Variants in CAPN2 observed in about 807,000 individuals in gnomAD.
The protein encoded by CAPN2 is calpain-2 catalytic subunit.
Under a neutral mutation model 102.3 loss-of-function variants are expected in CAPN2, and 92 were observed. The ratio of observed to expected loss-of-function variants is 0.90; its 90% CI spans 0.76 to 1.07. The LOEUF (loss-of-function observed/expected upper bound fraction) is 1.07, where lower values mean the gene tolerates loss of function less well. Ranked by LOEUF, CAPN2 falls within the 50% of genes least tolerant of loss-of-function variation. The probability of loss-of-function intolerance (pLI) is 0.00; values close to 1 mark genes in which losing one functional copy is unlikely to be tolerated. For missense variants in CAPN2, 800 were observed against 909.4 expected (o/e 0.88, Z 1.55); for synonymous variants, 340 against 355.4 (o/e 0.96, Z 0.49).
chr1:223,737,440 G>A (rs1660483798), intron 2 of CAPN2, among the ~76,000 whole-genome samples: 1 of 152,172 alleles, frequency 6.6e-6, no homozygotes, highest in African/African-American at 2.4e-5. Context: ...AGCGGGAGAT[G>A]TCATCGGTAG....
chr1:223,722,472 G>T (rs1296373226), intron 2 of CAPN2, among the ~76,000 whole-genome samples: 1 of 151,478 alleles, frequency 6.6e-6, no homozygotes, highest in African/African-American at 2.4e-5. Flanking sequence ...GTGTGTCTGT[G>T]TGGAGATGGG....
chr1:223,703,281 G>A (rs1038899012), intron 1 of CAPN2, among the ~76,000 whole-genome samples: 4 of 151,988 alleles, frequency 2.6e-5, no homozygotes, highest in Admixed American at 2.6e-4. Flanking sequence ...CTATTCTGAG[G>A]ATTAAATGAG....
intron 8 of CAPN2, 74 bp downstream of exon 8, chr1:223,752,145 A>G: frequency 9.5e-7 from 1 of 1,057,488 alleles, no homozygotes; most frequent in Non-Finnish European, 1.5e-6. Flanking sequence ...CTAATTAGAA[A>G]GAGTGTCGGC....
chr1:223,702,754 G>C (rs150687739), intron 1 of CAPN2, among the ~76,000 whole-genome samples: 1 of 152,248 alleles, frequency 6.6e-6, no homozygotes, highest in Non-Finnish European at 1.5e-5. Context: ...CCTGTGACTG[G>C]AAATTAGAAG....
chr1:223,754,395 G>C lies in CAPN2; in HGVS notation c.1136-1085G>C, dbSNP rs1660978026. The stretch of plus-strand genomic sequence containing the variant: ...CAGGAGTCGGAAAACTCCCTCTAAA[G>C]GGTCAGATAGTAAATAATTTTGGCT... On this transcript the variant is annotated intron_variant, in intron 9 of 20. Coordinates refer to ENST00000295006, the MANE Select transcript of CAPN2 (RefSeq NM_001748.5). This position sits in a 1 kb window ranked among gnomAD's most constrained non-coding sequence, Gnocchi z 4.7. Among the ~76,000 whole-genome samples, 1 of 152,210 alleles carries C rather than the reference G, an allele frequency of 6.6e-6. No individual in the cohort carries two copies. The highest frequency in any genetic ancestry group is 6.5e-5 in the Admixed American group (1 of 15,278).
intron 16 of CAPN2, among the ~76,000 whole-genome samples, chr1:223,766,961 A>G (rs78286618): frequency 2.8e-5 from 4 of 142,358 alleles, no homozygotes; most frequent in Non-Finnish European, 6.0e-5. Context: ...CTCATCGCCA[A>G]AAAAAAAAAA....
intron 4 of CAPN2, among the ~76,000 whole-genome samples, chr1:223,746,417 C>T (rs1204052327): frequency 1.3e-5 from 2 of 150,112 alleles, no homozygotes; most frequent in African/African-American, 5.0e-5. Flanking sequence ...GGAATCAATA[C>T]AGGAGGTTCA....
chr1:223,747,370 T>C (rs1459663065), intron 5 of CAPN2, among the ~76,000 whole-genome samples: 1 of 152,190 alleles, frequency 6.6e-6, no homozygotes, highest in African/African-American at 2.4e-5. Context: ...AGAAATGGCA[T>C]ACAAATGTAT....
At chr1:223,761,717 C>A in intron 13 of CAPN2, 100 bp downstream of exon 13, 2 of 961,354 alleles carry the variant, frequency 2.1e-6, no homozygotes, top group South Asian at 1.5e-5. Flanking sequence ...ACGAACAAAG[C>A]CTGAAACTAA....
chr1:223,728,222 C>A (rs186248902), intron 2 of CAPN2, among the ~76,000 whole-genome samples: 1 of 152,232 alleles, frequency 6.6e-6, no homozygotes, highest in African/African-American at 2.4e-5. Context: ...CTGAGCTGGG[C>A]AACTCTCTCC....
intron 12 of CAPN2, among the ~76,000 whole-genome samples, chr1:223,760,894 CT>C (rs1661168175): frequency 6.6e-6 from 1 of 152,210 alleles, no homozygotes; most frequent in Non-Finnish European, 1.5e-5. Flanking sequence ...TGATAGGACT[CT>C]TGGTCACTTA....
intron 2 of CAPN2, among the ~76,000 whole-genome samples, chr1:223,742,849 A>G (rs1178514321): frequency 6.6e-6 from 1 of 152,176 alleles, no homozygotes; most frequent in Non-Finnish European, 1.5e-5. Context: ...AAACCTGTCA[A>G]TTGGCGAAAA....
At chr1:223,745,957 C>T (rs1200038472) in intron 4 of CAPN2, among the ~76,000 whole-genome samples, 1 of 152,230 alleles carries the variant, frequency 6.6e-6, no homozygotes, top group Non-Finnish European at 1.5e-5. Context: ...TTAGCAATGG[C>T]TTCCCCATCT....
At chr1:223,761,675 G>A (rs1661188756) in intron 13 of CAPN2, 58 bp downstream of exon 13, 5 of 1,437,410 alleles carry the variant, frequency 3.5e-6, no homozygotes, top group Admixed American at 1.9e-5. Context: ...GAGAGCAGAG[G>A]AGCAAAAAAA....
intron 12 of CAPN2, 78 bp from the exon 13 acceptor site, chr1:223,761,503 C>A: frequency 8.1e-7 from 1 of 1,237,380 alleles, no homozygotes; most frequent in Non-Finnish European, 1.2e-6. Context: ...TAGCACTGCA[C>A]TTCCATTTTA....
intron 2 of CAPN2, among the ~76,000 whole-genome samples, chr1:223,742,519 T>TATATA (rs1491526049): frequency 1.9e-4 from 10 of 52,054 alleles, no homozygotes; most frequent in African/African-American, 3.5e-4. Flanking sequence ...TATATATATA[T>TATATA]TTTTTTTTTT....
intron 4 of CAPN2, among the ~76,000 whole-genome samples, chr1:223,746,723 G>T (rs1034803750): frequency 4.0e-5 from 6 of 151,882 alleles, no homozygotes; most frequent in Non-Finnish European, 8.8e-5. Flanking sequence ...CAAGTGATCC[G>T]CCCACCTCGG....
chr1:223,726,572 C>T lies in CAPN2; in HGVS notation c.307+8741C>T, dbSNP rs951535818. 4.6e-5 allele frequency among the ~76,000 whole-genome samples: 7 copies of T among 152,176 alleles called. No homozygotes were observed. The highest frequency in any genetic ancestry group is 1.3e-4 in the Admixed American group (2 of 15,290). ...AGCCCCAGCACCCTCGCCTCCCTCC[C>T]ATCCTCCCTTTTAGGGCCTCCCTTC... On this transcript the variant is annotated intron_variant, in intron 2 of 20. Coordinates refer to ENST00000295006, the MANE Select transcript of CAPN2 (RefSeq NM_001748.5). The surrounding 1 kb of genome is among the most constrained non-coding windows in gnomAD (Gnocchi z 4.4).
intron 4 of CAPN2, among the ~76,000 whole-genome samples, chr1:223,746,006 G>A (rs1660741458): frequency 6.6e-6 from 1 of 152,242 alleles, no homozygotes; most frequent in South Asian, 2.1e-4. Context: ...CCACAGTTGA[G>A]TTTGTCCAGT....
Sources: allele counts gnomAD v4.1 joint callset (sites outside exome capture counted in the v4.1 genomes callset), GRCh38; gene constraint gnomAD v4.1.1; non-coding constraint Gnocchi (gnomAD v3.1); transcripts MANE v1.5; gene names NCBI Gene and HGNC (gene_info 2026-07-23, HGNC 2026-07-21).